SORCS3: variants seen among roughly 807,000 people sequenced by gnomAD.
SORCS3 encodes sortilin related VPS10 domain containing receptor 3.
A neutral mutation model predicts 146.3 loss-of-function variants in SORCS3; 57 were observed. That is an observed-to-expected ratio of 0.39 (90% CI 0.31 to 0.49). The LOEUF is 0.49. Among genes scored for constraint, SORCS3 ranks in the 20% least tolerant of loss-of-function variants. SORCS3 has a pLI of 0.92. For synonymous variants in SORCS3, 653 were observed against 618.5 expected, an observed-to-expected ratio of 1.06 and a Z score of -0.83; for missense variants, 1,341 against 1,575.5, an observed-to-expected ratio of 0.85 and a Z score of 2.52.
chr10:105,074,650 T>C (rs1236750706), intron 5 of SORCS3, among the ~76,000 whole-genome samples: 2 of 152,216 alleles, frequency 1.3e-5, no homozygotes, highest in Admixed American at 1.3e-4. Flanking sequence ...CCCATATGGT[T>C]ACAACCTCTT....
intron 2 of SORCS3, among the ~76,000 whole-genome samples, chr10:104,909,637 TG>T (rs2018945333): frequency 6.6e-6 from 1 of 151,990 alleles, no homozygotes; most frequent in African/African-American, 2.4e-5. Context: ...GAAAGCCATG[TG>T]CTCACCCAGA....
At chr10:104,699,277 A>T (rs945201990) in intron 1 of SORCS3, among the ~76,000 whole-genome samples, 9 of 152,280 alleles carry the variant, frequency 5.9e-5, no homozygotes, top group Admixed American at 2.6e-4. Context: ...TCCACATGTG[A>T]CATGTTTGCA....
chr10:105,217,451 A>G (rs2056672225), intron 19 of SORCS3, among the ~76,000 whole-genome samples: 1 of 152,206 alleles, frequency 6.6e-6, no homozygotes. Context: ...AAAGATAGAA[A>G]CAAGCCTTCT....
chr10:105,200,991 A>T, intron 15 of SORCS3, 129 bp from the exon 16 acceptor site: 2 of 953,586 alleles, frequency 2.1e-6, no homozygotes, highest in Non-Finnish European at 3.0e-6. Context: ...CTGGATCATT[A>T]CTGAGAATGA....
intron 4 of SORCS3, among the ~76,000 whole-genome samples, chr10:105,014,046 C>A (rs2055150215): frequency 6.7e-6 from 1 of 149,444 alleles, no homozygotes; most frequent in Admixed American, 6.7e-5. Flanking sequence ...AGAATAGAGA[C>A]CCCAGCACAG....
chr10:104,709,161 G>A (rs966219401), intron 1 of SORCS3, among the ~76,000 whole-genome samples: 3 of 152,144 alleles, frequency 2.0e-5, no homozygotes, highest in African/African-American at 7.2e-5. Context: ...TCCACCTTCT[G>A]TGTGTTTGGG....
At chr10:104,711,409 C>T (rs1451263811) in intron 1 of SORCS3, among the ~76,000 whole-genome samples, 1 of 152,142 alleles carries the variant, frequency 6.6e-6, no homozygotes, top group Non-Finnish European at 1.5e-5. Flanking sequence ...GCTTAGTGCT[C>T]TTATCTTTAC....
At chr10:104,709,799 A>C (rs1009310418) in intron 1 of SORCS3, among the ~76,000 whole-genome samples, 1 of 152,170 alleles carries the variant, frequency 6.6e-6, no homozygotes, top group Non-Finnish European at 1.5e-5. Context: ...TTTGCTTGAG[A>C]GTGAGATGTT....
At chr10:104,968,767 C>T (rs955843038) in intron 3 of SORCS3, among the ~76,000 whole-genome samples, 1 of 152,172 alleles carries the variant, frequency 6.6e-6, no homozygotes, top group Non-Finnish European at 1.5e-5. Flanking sequence ...TTGTGAATGT[C>T]TTTGTTTTTG....
chr10:104,735,196 C>T (rs1230536836), intron 1 of SORCS3, among the ~76,000 whole-genome samples: 5 of 152,094 alleles, frequency 3.3e-5, no homozygotes, highest in Non-Finnish European at 2.9e-5. Context: ...GGCAGGGGGC[C>T]GGGCTGCTCC....
intron 14 of SORCS3, among the ~76,000 whole-genome samples, chr10:105,199,536 C>A (rs1184490274): frequency 2.6e-5 from 4 of 152,166 alleles, no homozygotes; most frequent in South Asian, 2.1e-4. Context: ...TCCTTCTACC[C>A]CAACACATAT....
intron 1 of SORCS3, among the ~76,000 whole-genome samples, chr10:104,772,057 A>T (rs2017255631): frequency 6.6e-6 from 1 of 152,148 alleles, no homozygotes; most frequent in Non-Finnish European, 1.5e-5. Flanking sequence ...GTGTTTCGAT[A>T]GGTGGGGCTT....
chr10:105,104,829 A>G (rs1043178021), intron 6 of SORCS3, among the ~76,000 whole-genome samples: 1 of 152,326 alleles, frequency 6.6e-6, no homozygotes, highest in East Asian at 1.9e-4. Flanking sequence ...AGAAATTACC[A>G]TGTTGAAGCA....
At position 104,721,472 on chromosome 10, in the gene SORCS3, T is replaced by C. The variant is rs1374820510; in HGVS notation, c.627+79518T>C. Among the ~76,000 whole-genome samples the C allele has an allele frequency of 3.9e-5, 6 of 152,206 alleles. No homozygotes were observed. In the South Asian group the frequency reaches 1.0e-3, roughly 26 times the overall value. ...CTTGGCAATGCGGGCTCTTTTTTGG[T>C]TCCATATGAACTTTAAAGTAGTTTT... On this transcript the variant is annotated intron_variant, in intron 1 of 26. Coordinates refer to ENST00000369701, the MANE Select transcript of SORCS3 (RefSeq NM_014978.3).
rs747837779 is a variant in SORCS3 at position 105,252,769 on chromosome 10, T to C, written c.3106-6T>C. 6 of 1,613,914 alleles carry C rather than the reference T, an allele frequency of 3.7e-6. No homozygotes were observed. In the South Asian group the frequency reaches 6.6e-5, roughly 18 times the overall value. Reference sequence around the variant, plus strand: ...ACAGCCTCTCTTTGTCTGAACATCTTTGCAGGTAACCAGTGTCCCAGAGGA... The same window carrying C: ...ACAGCCTCTCTTTGTCTGAACATCTCTGCAGGTAACCAGTGTCCCAGAGGA... On this transcript the variant is annotated splice_polypyrimidine_tract_variant and splice_region_variant and intron_variant, in intron 22 of 26. Transcript: ENST00000369701.
At chr10:105,256,034 C>T (rs967073847) in intron 24 of SORCS3, among the ~76,000 whole-genome samples, 7 of 152,176 alleles carry the variant, frequency 4.6e-5, no homozygotes, top group South Asian at 2.1e-4. Flanking sequence ...TAGACGGTCT[C>T]GGAGAAAACC....
At chr10:104,840,825 C>A (rs2018131103) in intron 1 of SORCS3, among the ~76,000 whole-genome samples, 1 of 152,126 alleles carries the variant, frequency 6.6e-6, no homozygotes, top group Non-Finnish European at 1.5e-5. Flanking sequence ...GAGGCATGTC[C>A]TCTGAAGGCT....
chr10:105,200,451 C>T (rs1272586591), intron 15 of SORCS3, among the ~76,000 whole-genome samples: 1 of 152,166 alleles, frequency 6.6e-6, no homozygotes, highest in Non-Finnish European at 1.5e-5. Context: ...CTCATTTTAT[C>T]TGCCAATGTG....
At chr10:104,818,393 C>CTTCCTTCCTTCT (rs1173383365) in intron 1 of SORCS3, among the ~76,000 whole-genome samples, 1 of 147,814 alleles carries the variant, frequency 6.8e-6, no homozygotes, top group African/African-American at 2.6e-5. Context: ...TCCTTCCTTC[C>CTTCCTTCCTTCT]TTCCTTCCTT....
Sources: gnomAD v4.1 joint callset for allele counts (sites outside exome capture counted in the v4.1 genomes callset) on GRCh38, gnomAD v4.1.1 for gene constraint, MANE v1.5 for transcripts, NCBI Gene and HGNC (gene_info 2026-07-23, HGNC 2026-07-21) for gene names.